GPM6A: variants seen among roughly 807,000 people sequenced by gnomAD.
GPM6A encodes glycoprotein M6A.
GPM6A carries 7 observed loss-of-function variants against 32.1 expected under a neutral mutation model. That is an observed-to-expected ratio of 0.22 (90% CI 0.12 to 0.41). The LOEUF (loss-of-function observed/expected upper bound fraction) is 0.41. Among genes scored for constraint, GPM6A ranks in the 10% least tolerant of loss-of-function variants. The probability of loss-of-function intolerance (pLI) is 1.00; values close to 1 mark genes in which losing one functional copy is unlikely to be tolerated. For synonymous variants in GPM6A, 130 were observed against 123.4 expected (o/e 1.05, Z -0.35); for missense variants, 235 against 347.2 (o/e 0.68, Z 2.57).
intron 1 of GPM6A, among the ~76,000 whole-genome samples, chr4:175,793,159 T>C (rs950126707): frequency 6.6e-6 from 1 of 152,234 alleles, no homozygotes; most frequent in Admixed American, 6.5e-5. Flanking sequence ...CTATATTATG[T>C]ATTTTTGATA....
chr4:175,858,663 G>A (rs534021391), intron 1 of GPM6A, among the ~76,000 whole-genome samples: 84 of 152,080 alleles, frequency 5.5e-4, no homozygotes, highest in Non-Finnish European at 9.1e-4. Context: ...AAAACATTTA[G>A]GAAATTTATT....
chr4:175,733,395 C>CGGGA (rs964118097), intron 1 of GPM6A, among the ~76,000 whole-genome samples: 15 of 152,142 alleles, frequency 9.9e-5, no homozygotes, highest in African/African-American at 3.4e-4. Context: ...CCAAGCTACT[C>CGGGA]GGGAGGCTGA....
intron 1 of GPM6A, chr4:175,787,002 C>G: frequency 8.5e-6 from 2 of 236,144 alleles, no homozygotes; most frequent in Non-Finnish European, 1.6e-5. Context: ...GCATTCCCTC[C>G]CCCAATTGAC....
At chr4:175,734,352 C>T (rs960546281) in intron 1 of GPM6A, among the ~76,000 whole-genome samples, 1 of 151,936 alleles carries the variant, frequency 6.6e-6, no homozygotes, top group East Asian at 1.9e-4. Flanking sequence ...CTGTAAAAAA[C>T]ACTCAGTGGA....
At chr4:175,897,798 A>T (rs180866480) in intron 1 of GPM6A, among the ~76,000 whole-genome samples, 1 of 152,186 alleles carries the variant, frequency 6.6e-6, no homozygotes, top group African/African-American at 2.4e-5. Context: ...CAATTGAGCT[A>T]CTTTGGTTAA....
intron 1 of GPM6A, among the ~76,000 whole-genome samples, chr4:175,833,343 C>T (rs1287742755): frequency 6.6e-6 from 1 of 152,084 alleles, no homozygotes; most frequent in South Asian, 2.1e-4. Context: ...ACCCTTTGTC[C>T]CAGCTCCTCC....
intron 1 of GPM6A, among the ~76,000 whole-genome samples, chr4:175,801,355 TTAA>T (rs565384999): frequency 0.018 from 361 of 19,616 alleles, no homozygotes; most frequent in African/African-American, 0.033. Context: ...TAGGTATTAA[TTAA>T]TAGGTAATAA....
At chr4:175,839,052 T>G (rs1339291820) in intron 1 of GPM6A, among the ~76,000 whole-genome samples, 1 of 152,190 alleles carries the variant, frequency 6.6e-6, no homozygotes, top group Non-Finnish European at 1.5e-5. Context: ...CTGCTATTAC[T>G]TTGGTCTTAA....
intron 1 of GPM6A, among the ~76,000 whole-genome samples, chr4:175,707,365 A>G (rs1268666500): frequency 1.3e-5 from 2 of 152,184 alleles, no homozygotes; most frequent in African/African-American, 4.8e-5. Flanking sequence ...GCCTCAGCCA[A>G]TGCATTTTCT....
intron 1 of GPM6A, chr4:175,787,556 A>C: frequency 7.2e-7 from 1 of 1,390,710 alleles, no homozygotes; most frequent in Non-Finnish European, 9.3e-7. Context: ...CAATGATTAC[A>C]TACTTGTTGA....
rs114111550 is a variant in GPM6A, at chr4:175,706,950, G to T, written c.38-5183C>A. ...TTATAATGCATTAGCATGCTATAAG[G>T]CACTCCCACCAGTGCTATGACAGTT... On this transcript the variant is annotated intron_variant, in intron 1 of 6. Coordinates refer to ENST00000393658, the MANE Select transcript of GPM6A (RefSeq NM_201591.3). 3.3e-3 allele frequency among the ~76,000 whole-genome samples: 496 copies of T among 152,282 alleles called. 3 individuals carry two copies. Among genetic ancestry groups the T allele is most frequent in the African/African-American group, 0.011 (467 of 41,554 alleles).
intron 1 of GPM6A, among the ~76,000 whole-genome samples, chr4:175,913,474 C>G (rs888520115): frequency 6.6e-6 from 1 of 152,186 alleles, no homozygotes; most frequent in Non-Finnish European, 1.5e-5. Context: ...CCTTTGCTCA[C>G]AACCCTGCAA....
At chr4:175,711,196 T>C (rs1160871444) in intron 1 of GPM6A, among the ~76,000 whole-genome samples, 1 of 151,846 alleles carries the variant, frequency 6.6e-6, no homozygotes, top group African/African-American at 2.4e-5. Context: ...AAAACTTCAA[T>C]TGTTTGGGAA....
chr4:175,800,818 C>A (rs187412013), intron 1 of GPM6A: 247 of 197,582 alleles, frequency 1.3e-3, no homozygotes, highest in Admixed American at 2.0e-3. Flanking sequence ...TAAAAGAGAA[C>A]CCCCTCATAA....
intron 1 of GPM6A, among the ~76,000 whole-genome samples, chr4:175,774,767 G>A (rs1733326068): frequency 6.6e-6 from 1 of 151,950 alleles, no homozygotes; most frequent in African/African-American, 2.4e-5. Context: ...CTCAGTCATG[G>A]CTGTCTAATG....
rs577540243 is a variant in GPM6A, at chr4:175,885,937, G to C, written c.-22-73688C>G. 7.9e-5 allele frequency among the ~76,000 whole-genome samples: 12 copies of C among 152,238 alleles called. No individual in the cohort carries two copies. The South Asian group carries it at 2.3e-3, about 29-fold the overall frequency. On this transcript the variant is annotated intron_variant, in intron 1 of 7. Transcript: ENST00000280187. Reference sequence around the variant, plus strand: ...TACACAGACCACATAAGAAATTTAAGGGAGTTGAAAGATCTGAGGAAATCA... The same window carrying C: ...TACACAGACCACATAAGAAATTTAACGGAGTTGAAAGATCTGAGGAAATCA...
intron 1 of GPM6A, among the ~76,000 whole-genome samples, chr4:175,720,746 T>A (rs1488168283): frequency 1.3e-5 from 2 of 152,094 alleles, no homozygotes; most frequent in Non-Finnish European, 1.5e-5. Context: ...ATGTCTACCC[T>A]TCAGTTTCAA....
intron 1 of GPM6A, among the ~76,000 whole-genome samples, chr4:175,740,438 T>C (rs1394106591): frequency 3.9e-5 from 6 of 152,054 alleles, no homozygotes; most frequent in African/African-American, 1.4e-4. Flanking sequence ...AGTAATTCAT[T>C]TGTGGAACCT....
At chr4:175,883,294 C>T (rs1210714544) in intron 1 of GPM6A, among the ~76,000 whole-genome samples, 1 of 151,872 alleles carries the variant, frequency 6.6e-6, no homozygotes, top group Non-Finnish European at 1.5e-5. Flanking sequence ...ATAATGTGAG[C>T]CATATATGTA....
Sources: gnomAD v4.1 joint callset for allele counts (sites outside exome capture counted in the v4.1 genomes callset) on GRCh38, gnomAD v4.1.1 for gene constraint, MANE v1.5 for transcripts, NCBI Gene and HGNC (gene_info 2026-07-23, HGNC 2026-07-21) for gene names.